TET1: variants seen among roughly 807,000 people sequenced by gnomAD.
TET1 encodes tet methylcytosine dioxygenase 1, also known as methylcytosine dioxygenase TET1.
In TET1, 13 loss-of-function variants were observed where a neutral mutation model predicts 148.7. The ratio of observed to expected loss-of-function variants is 0.09; its 90% CI spans 0.06 to 0.14. The LOEUF (loss-of-function observed/expected upper bound fraction) is 0.14. Ranked by LOEUF, TET1 falls within the 10% of genes least tolerant of loss-of-function variation. The pLI, the probability that TET1 is intolerant of heterozygous loss-of-function variation, is 1.00. For synonymous variants in TET1, 907 were observed against 937.2 expected, an observed-to-expected ratio of 0.97 and a Z score of 0.59; for missense variants, 2,182 against 2,553.8, an observed-to-expected ratio of 0.85 and a Z score of 3.14.
intron 1 of TET1, among the ~76,000 whole-genome samples, chr10:68,562,731 T>C (rs2053567285): frequency 7.0e-6 from 1 of 143,070 alleles, no homozygotes; most frequent in Non-Finnish European, 1.5e-5. Flanking sequence ...GAGGGTTGGG[T>C]CTCCACTGTC....
At chr10:68,609,593 T>C (rs2054177936) in intron 3 of TET1, among the ~76,000 whole-genome samples, 1 of 152,202 alleles carries the variant, frequency 6.6e-6, no homozygotes, top group African/African-American at 2.4e-5. Context: ...TTTTAAATAG[T>C]AACTCCTTTT....
At chr10:68,657,543 C>T (rs1197228899) in intron 6 of TET1, among the ~76,000 whole-genome samples, 5 of 152,062 alleles carry the variant, frequency 3.3e-5, no homozygotes, top group Admixed American at 6.6e-5. Context: ...GGAGGCTGGA[C>T]GATTGCTTGA....
At chr10:68,659,892 C>T (rs2055080931) in intron 6 of TET1, among the ~76,000 whole-genome samples, 1 of 152,144 alleles carries the variant, frequency 6.6e-6, no homozygotes, top group African/African-American at 2.4e-5. Flanking sequence ...AGTCATTAAT[C>T]CCTTTACAAA....
At chr10:68,568,742 T>C (rs2053634195) in intron 1 of TET1, among the ~76,000 whole-genome samples, 1 of 152,164 alleles carries the variant, frequency 6.6e-6, no homozygotes, top group East Asian at 1.9e-4. Flanking sequence ...TCCCAGCTAT[T>C]CGGGCAGCTG....
intron 8 of TET1, among the ~76,000 whole-genome samples, chr10:68,673,998 G>A (rs1416465016): frequency 1.4e-5 from 1 of 70,296 alleles, no homozygotes; most frequent in East Asian, 4.6e-4. Context: ...TTTCGCTCTT[G>A]TTGCCCAGGC....
chr10:68,576,091 C>T (rs1046636068), intron 2 of TET1, among the ~76,000 whole-genome samples: 4 of 151,542 alleles, frequency 2.6e-5, no homozygotes, highest in Non-Finnish European at 4.4e-5. Flanking sequence ...CATGGTGGCT[C>T]ACACCTGTAA....
At chr10:68,609,436 C>T (rs1255465132) in intron 3 of TET1, among the ~76,000 whole-genome samples, 3 of 152,136 alleles carry the variant, frequency 2.0e-5, no homozygotes, top group Non-Finnish European at 4.4e-5. Context: ...GCTGGGATTA[C>T]AGGCATGAGC....
intron 1 of TET1, among the ~76,000 whole-genome samples, chr10:68,562,080 T>C (rs1262070369): frequency 6.6e-6 from 1 of 152,122 alleles, no homozygotes; most frequent in Non-Finnish European, 1.5e-5. Context: ...CTGCAAGACC[T>C]TGGAGCGAGA....
intron 2 of TET1, among the ~76,000 whole-genome samples, chr10:68,576,110 C>A (rs1002045057): frequency 2.0e-5 from 3 of 151,796 alleles, no homozygotes; most frequent in African/African-American, 7.3e-5. Context: ...AATCCCAGAA[C>A]TTTGGGAGGC....
At chr10:68,626,503 G>C (rs569524124) in intron 3 of TET1, among the ~76,000 whole-genome samples, 1 of 151,284 alleles carries the variant, frequency 6.6e-6, no homozygotes, top group African/African-American at 2.4e-5. Flanking sequence ...ACCTGGCCTA[G>C]ACATTTATTA....
At chr10:68,627,734 T>C (rs1422230302) in intron 3 of TET1, among the ~76,000 whole-genome samples, 1 of 150,778 alleles carries the variant, frequency 6.6e-6, no homozygotes. Flanking sequence ...AAGACCAGCC[T>C]GGCCATCATG....
intron 3 of TET1, among the ~76,000 whole-genome samples, chr10:68,643,954 G>C (rs190172486): frequency 6.6e-6 from 1 of 151,908 alleles, no homozygotes; most frequent in East Asian, 1.9e-4. Flanking sequence ...ACCCAGGCTG[G>C]AGTACAGTGG....
intron 3 of TET1, among the ~76,000 whole-genome samples, chr10:68,643,096 A>G (rs2054783553): frequency 6.6e-6 from 1 of 151,540 alleles, no homozygotes; most frequent in African/African-American, 2.4e-5. Context: ...CTGTCTCTAC[A>G]ACAAATACAA....
At chr10:68,687,045 G>A (rs1171713080) in intron 11 of TET1, among the ~76,000 whole-genome samples, 2 of 151,760 alleles carry the variant, frequency 1.3e-5, no homozygotes, top group Admixed American at 6.6e-5. Context: ...CCGCCACCAC[G>A]CCCAGCTAAT....
At chr10:68,651,570 G>A (rs1393557992) in intron 4 of TET1, among the ~76,000 whole-genome samples, 2 of 151,800 alleles carry the variant, frequency 1.3e-5, no homozygotes, top group Non-Finnish European at 2.9e-5. Context: ...TTTTAAGCAG[G>A]AGATAGGAGT....
At chr10:68,585,939 C>G (rs1298147128) in intron 2 of TET1, among the ~76,000 whole-genome samples, 3 of 148,334 alleles carry the variant, frequency 2.0e-5, no homozygotes, top group Non-Finnish European at 4.4e-5. Context: ...ACCCTGGAGA[C>G]GGAGGTTGCA....
At chr10:68,593,439 A>T (rs116813393) in intron 2 of TET1, among the ~76,000 whole-genome samples, 1,885 of 151,522 alleles carry the variant, frequency 0.012, 42 homozygotes, top group African/African-American at 0.042. Flanking sequence ...TTTTAAAAAA[A>T]TTTTTAATTT....
chr10:68,635,094 A>T (rs901929582), intron 3 of TET1, among the ~76,000 whole-genome samples: 3 of 149,086 alleles, frequency 2.0e-5, no homozygotes. Context: ...TGCCTGGCGC[A>T]ATATATATAT....
chr10:68,632,770 A>G, intron 3 of TET1: 1 of 1,511,620 alleles, frequency 6.6e-7, no homozygotes. Flanking sequence ...AACGAAGTTA[A>G]GATCAACCAC....
Sources: gnomAD v4.1 joint callset for allele counts (sites outside exome capture counted in the v4.1 genomes callset) on GRCh38, gnomAD v4.1.1 for gene constraint, MANE v1.5 for transcripts, NCBI Gene and HGNC (gene_info 2026-07-23, HGNC 2026-07-21) for gene names.